The following PARD3B variants were observed in gnomAD, a reference collection of about 807,000 sequenced individuals.
The protein encoded by PARD3B is partitioning defective 3 homolog B.
In PARD3B, 103 loss-of-function variants were observed where a neutral mutation model predicts 130.2. The ratio of observed to expected loss-of-function variants is 0.79; its 90% CI spans 0.67 to 0.93. The LOEUF (loss-of-function observed/expected upper bound fraction) is 0.93. Ranked by LOEUF, PARD3B falls within the 40% of genes least tolerant of loss-of-function variation. The probability of loss-of-function intolerance (pLI) is 0.00; values close to 1 mark genes in which losing one functional copy is unlikely to be tolerated. For missense variants in PARD3B, 1,609 were observed against 1,499.2 expected (o/e 1.07, Z -1.21); for synonymous variants, 583 against 553.2 (o/e 1.05, Z -0.76).
intron 2 of PARD3B, among the ~76,000 whole-genome samples, chr2:204,946,908 C>T (rs1268040141): frequency 2.0e-5 from 3 of 152,164 alleles, no homozygotes; most frequent in African/African-American, 4.8e-5. Flanking sequence ...AAGAAAAAAA[C>T]AAACAACACC....
Position 205,585,642 on chromosome 2 carries a change from A to C in PARD3B, c.3261-29814A>C, listed in dbSNP as rs142840677. Among the ~76,000 whole-genome samples, 57 of 152,294 alleles carry C rather than the reference A, an allele frequency of 3.7e-4. No individual in the cohort carries two copies. The East Asian group carries it at 0.011, about 29-fold the overall frequency. The stretch of plus-strand genomic sequence containing the variant: ...GCTGAAACAACAAAGCGGGACATGG[A>C]AACATGTTCACTTACACAGATTTCA... On this transcript the variant is annotated intron_variant, in intron 22 of 22. Coordinates refer to ENST00000406610, the MANE Select transcript of PARD3B (RefSeq NM_001302769.2). This position sits in a 1 kb window ranked among gnomAD's most constrained non-coding sequence, Gnocchi z 5.4.
In PARD3B at chr2:205,402,733, T is replaced by C. The variant is rs562277308; in HGVS notation, c.2741+1610T>C. ...TGTATAGGCTTCGGATCCAATTTTC[T>C]TAAAATATGTCTGGTCAAAATAGTG... On this transcript the variant is annotated intron_variant, in intron 19 of 22. Transcript: ENST00000406610. Among the ~76,000 whole-genome samples the C allele has an allele frequency of 5.3e-5, 8 of 152,330 alleles. 1 individual carries two copies. Among genetic ancestry groups the C allele is most frequent in the African/African-American group, 1.9e-4 (8 of 41,588 alleles).
At chr2:204,690,375 G>A (rs570810091) in intron 2 of PARD3B, among the ~76,000 whole-genome samples, 18 of 152,234 alleles carry the variant, frequency 1.2e-4, no homozygotes, top group Non-Finnish European at 2.2e-4. Context: ...ATGACACAGC[G>A]TCTTTGCAGA....
chr2:204,924,218 A>G (rs1173487805), intron 2 of PARD3B, among the ~76,000 whole-genome samples: 1 of 151,982 alleles, frequency 6.6e-6, no homozygotes, highest in East Asian at 1.9e-4. Flanking sequence ...AAAAAGGAGA[A>G]AGGTTACCCA....
intron 2 of PARD3B, among the ~76,000 whole-genome samples, chr2:204,783,172 G>A (rs542730871): frequency 6.6e-6 from 1 of 152,258 alleles, no homozygotes; most frequent in East Asian, 1.9e-4. Context: ...ATGCAATGGA[G>A]ACAATGCAGT....
chr2:205,560,898 G>A (rs1222853458), intron 22 of PARD3B, among the ~76,000 whole-genome samples: 3 of 152,144 alleles, frequency 2.0e-5, no homozygotes, highest in South Asian at 4.1e-4. Context: ...TACATTCCCG[G>A]TGTTTCCGCA....
chr2:205,615,592 AG>A lies in PARD3B; in HGVS notation c.3400del (p.Val1134TrpfsTer68), dbSNP rs766501842. 2 of 1,614,084 alleles carry A rather than the reference AG, an allele frequency of 1.2e-6. No individual in the cohort carries two copies. Among genetic ancestry groups the A allele is most frequent in the Admixed American group, 1.7e-5 (1 of 60,026 alleles). On this transcript the variant is annotated frameshift_variant, in exon 23 of 23. Transcript: ENST00000406610. LOFTEE classifies it high-confidence loss of function. The part of the protein sequence containing the change: ...KGSYPRPTEL[R>X]VADLRYPQHY... ...GAGCTATCCCCGCCCCACAGAGCTC[AG>A]GGTGGCAGATCTCCGGTATCCTCAG...
intron 20 of PARD3B, among the ~76,000 whole-genome samples, chr2:205,487,885 C>T (rs1013419656): frequency 8.5e-5 from 13 of 152,140 alleles, no homozygotes; most frequent in African/African-American, 3.1e-4. Context: ...TTTGAGAAGG[C>T]GTGAGTGTGT....
chr2:205,110,649 TGTAA>T (rs1703572322), intron 5 of PARD3B, among the ~76,000 whole-genome samples: 1 of 147,724 alleles, frequency 6.8e-6, no homozygotes, highest in South Asian at 2.1e-4. Context: ...TTGTTTTTTT[TGTAA>T]GTGGCTGTCA....
chr2:204,841,167 T>C (rs1193587805), intron 2 of PARD3B, among the ~76,000 whole-genome samples: 1 of 152,166 alleles, frequency 6.6e-6, no homozygotes, highest in East Asian at 1.9e-4. Flanking sequence ...CTTCTTCTTA[T>C]CTGTTTGTAC....
At position 205,122,239 on chromosome 2, in the gene PARD3B, A is replaced by G. The variant is rs1005724145; in HGVS notation, c.1165+290A>G. ...GAGCAATATTGTATTACAACTTAATACCAAATAGGCATGAAAATTCAGTTG... is the reference window on the plus strand; with the variant it reads ...GAGCAATATTGTATTACAACTTAATGCCAAATAGGCATGAAAATTCAGTTG... On this transcript the variant is annotated intron_variant, in intron 8 of 22. Transcript: ENST00000406610. This position sits in a 1 kb window ranked among gnomAD's most constrained non-coding sequence, Gnocchi z 4.3. Among the ~76,000 whole-genome samples, 4 of 152,224 alleles carry G rather than the reference A, an allele frequency of 2.6e-5. No individual in the cohort carries two copies. The highest frequency in any genetic ancestry group is 5.9e-5 in the Non-Finnish European group (4 of 68,036).
At chr2:205,107,128 A>G (rs1575803808) in intron 5 of PARD3B, among the ~76,000 whole-genome samples, 1 of 152,220 alleles carries the variant, frequency 6.6e-6, no homozygotes, top group South Asian at 2.1e-4. Flanking sequence ...TTTAATTTCT[A>G]TAATCATTGC....
At chr2:205,171,713 A>G (rs1005209341) in intron 11 of PARD3B, among the ~76,000 whole-genome samples, 5 of 152,036 alleles carry the variant, frequency 3.3e-5, no homozygotes, top group African/African-American at 7.2e-5. Context: ...GTTTTTTTTT[A>G]GTACTGTTCA....
intron 18 of PARD3B, among the ~76,000 whole-genome samples, chr2:205,399,528 T>C (rs1323040093): frequency 6.6e-6 from 1 of 151,896 alleles, no homozygotes; most frequent in East Asian, 2.0e-4. Flanking sequence ...CTAATTTTTG[T>C]ATTTTTAGTA....
chr2:204,931,129 C>T (rs1687999793), intron 2 of PARD3B, among the ~76,000 whole-genome samples: 1 of 152,070 alleles, frequency 6.6e-6, no homozygotes, highest in South Asian at 2.1e-4. Flanking sequence ...CTTGAAAGAT[C>T]TTCAAGGACG....
At chr2:205,191,769 G>A (rs2036411594) in intron 14 of PARD3B, among the ~76,000 whole-genome samples, 2 of 152,204 alleles carry the variant, frequency 1.3e-5, no homozygotes, top group Non-Finnish European at 2.9e-5. Context: ...AAGTCTCTTA[G>A]TTGACACTGC....
intron 20 of PARD3B, among the ~76,000 whole-genome samples, chr2:205,466,647 C>T (rs764782796): frequency 5.9e-5 from 9 of 152,200 alleles, no homozygotes; most frequent in Non-Finnish European, 1.0e-4. Context: ...TCCATCATTT[C>T]GGTTAAAGCT....
At chr2:204,920,442 C>T (rs767769693) in intron 2 of PARD3B, among the ~76,000 whole-genome samples, 2 of 152,160 alleles carry the variant, frequency 1.3e-5, no homozygotes, top group South Asian at 2.1e-4. Flanking sequence ...TCTGAGTACA[C>T]AACCATGGCC....
intron 22 of PARD3B, among the ~76,000 whole-genome samples, chr2:205,607,426 T>C (rs2055041145): frequency 6.6e-6 from 1 of 152,184 alleles, no homozygotes; most frequent in Admixed American, 6.5e-5. Context: ...GGTCTGTCTG[T>C]CTGCCTGGGC....
Sources: allele counts gnomAD v4.1 joint callset (sites outside exome capture counted in the v4.1 genomes callset), GRCh38; gene constraint gnomAD v4.1.1; non-coding constraint Gnocchi (gnomAD v3.1); transcripts MANE v1.5; gene names NCBI Gene and HGNC (gene_info 2026-07-23, HGNC 2026-07-21).